Variants in PSMA2 observed in about 807,000 individuals in gnomAD.
PSMA2 encodes proteasome subunit alpha type-2.
In PSMA2, 2 loss-of-function variants were observed where a neutral mutation model predicts 35.9. The ratio of observed to expected loss-of-function variants is 0.06; its 90% CI spans 0.02 to 0.18. PSMA2 has a LOEUF of 0.18. Among genes scored for constraint, PSMA2 ranks in the 10% least tolerant of loss-of-function variants. The pLI is 1.00. For missense variants in PSMA2, 126 were observed against 278.8 expected, an observed-to-expected ratio of 0.45 and a Z score of 3.90; for synonymous variants, 97 against 98.2, an observed-to-expected ratio of 0.99 and a Z score of 0.07.
Position 42,927,421 on chromosome 7 carries a change from G to C in PSMA2, c.80C>G (p.Ala27Gly). The part of the protein sequence containing the change: ...GKLVQIEYAL[A>G]AVAGGAPSVG... The stretch of plus-strand genomic sequence containing the variant: ...GGACGGGGCTCCTCCAGCTACAGCA[G>C]CCAAAGCATATTCAATCTGGACAAG... Residue 27 changes from alanine (A) to glycine (G), a missense_variant, in exon 2 of 8, where the codon GCT becomes GGT. Ala to Gly is a moderately conservative substitution (Grantham distance 60, BLOSUM62 0). This residue lies in a region of PSMA2 where 78 missense variants were observed against 151.1 expected (regional missense o/e 0.52). Coordinates refer to ENST00000223321, the MANE Select transcript of PSMA2 (RefSeq NM_002787.5). The C allele has an allele frequency of 1.2e-6, 2 of 1,614,134 alleles. No individual in the cohort carries two copies. Among genetic ancestry groups the C allele is most frequent in the Non-Finnish European group, 1.7e-6 (2 of 1,180,022 alleles).
intron 6 of PSMA2, chr7:42,920,611 TCATAA>T (rs377522940): frequency 1.3e-5 from 2 of 152,212 alleles, no homozygotes; most frequent in African/African-American, 4.8e-5. Context: ...ATAAAACAAA[TCATAA>T]CATATCATGT....
intron 3 of PSMA2, 30 bp downstream of exon 3, chr7:42,926,506 G>A (rs749406416): frequency 1.1e-5 from 17 of 1,536,976 alleles, no homozygotes; most frequent in Non-Finnish European, 1.5e-5. Context: ...TCATGAGATG[G>A]TGAGAAACAC....
intron 5 of PSMA2, among the ~76,000 whole-genome samples, 187 bp from the exon 6 acceptor site, chr7:42,922,118 G>A (rs937899150): frequency 6.6e-6 from 1 of 152,078 alleles, no homozygotes; most frequent in Non-Finnish European, 1.5e-5. Flanking sequence ...AACCAAAAAG[G>A]CATGAAGAAA....
At chr7:42,918,014 G>C (rs1390036459) in intron 6 of PSMA2, 179 bp from the exon 7 acceptor site, 1 of 474,814 alleles carries the variant, frequency 2.1e-6, no homozygotes, top group African/African-American at 2.0e-5. Context: ...GACAATATCT[G>C]GTGCTCAATT....
chr7:42,928,940 T>C (rs1183070085), intron 1 of PSMA2, among the ~76,000 whole-genome samples: 1 of 152,206 alleles, frequency 6.6e-6, no homozygotes, highest in Non-Finnish European at 1.5e-5. Context: ...TGTGATGTCC[T>C]GCACTTCCTC....
Position 42,932,119 on chromosome 7 carries a change from T to A in PSMA2, c.40A>T (p.Ser14Cys). The stretch of plus-strand genomic sequence containing the variant: ...AGACCTCGAGGGCCCCTTCCATACC[T>A]GAATGTAGTCAGCGAAAAGCTGTAC... ...RGYSFSLTTF[S>C]PSGKLVQIEY... is the part of the protein sequence containing the mutation. The change falls in exon 1 of 8, where the codon AGC becomes TGC. Residue 14 changes from serine (S) to cysteine (C), a missense_variant and splice_region_variant. Transcript: ENST00000223321. 1 of 1,614,136 alleles carries A rather than the reference T, an allele frequency of 6.2e-7. No homozygotes were observed. The highest frequency in any genetic ancestry group is 8.5e-7 in the Non-Finnish European group (1 of 1,180,028).
chr7:42,928,701 C>G (rs1786249852), intron 1 of PSMA2, among the ~76,000 whole-genome samples: 1 of 152,200 alleles, frequency 6.6e-6, no homozygotes, highest in Admixed American at 6.5e-5. Flanking sequence ...GCCGTATTTT[C>G]TCTTCATATA....
chr7:42,921,717 T>C, intron 6 of PSMA2, 141 bp downstream of exon 6: 1 of 506,728 alleles, frequency 2.0e-6, no homozygotes, highest in Non-Finnish European at 3.4e-6. Context: ...GGGAGAGAAG[T>C]TTTTGGTTTA....
chr7:42,930,240 CACACACACAA>C (rs1475389020), intron 1 of PSMA2, among the ~76,000 whole-genome samples: 3 of 151,412 alleles, frequency 2.0e-5, no homozygotes, highest in African/African-American at 7.3e-5. Context: ...CACACACACA[CACACACACAA>C]GTTTGGTTTT....
At chr7:42,917,919 T>C in intron 6 of PSMA2, 84 bp from the exon 7 acceptor site, 1 of 951,062 alleles carries the variant, frequency 1.1e-6, no homozygotes. Context: ...CAACGTAAGT[T>C]TTTAAAACTC....
Position 42,932,172 on chromosome 7 carries a change from G to A in PSMA2, c.-14C>T, listed in dbSNP as rs201474457. The A allele has an allele frequency of 3.1e-6, 5 of 1,613,960 alleles. No homozygotes were observed. Among genetic ancestry groups the A allele is most frequent in the East Asian group, 4.5e-5 (2 of 44,890 alleles). On this transcript the variant is annotated 5_prime_UTR_variant, in exon 1 of 8. Coordinates refer to ENST00000223321, the MANE Select transcript of PSMA2 (RefSeq NM_002787.5). ...GCGCTCCGCCATCTTTACCCGAAGA[G>A]CCAAAGCACAGCCGCACACATGCGC...
At position 42,921,849 on chromosome 7, in the gene PSMA2, T is replaced by C. The variant is rs772378015; in HGVS notation, c.530+9A>G. On this transcript the variant is annotated intron_variant, in intron 6 of 7. Transcript: ENST00000223321. ...TGCTAAAGAATGCAGTTACAATGAG[T>C]AGGCCTACCTTTTCTCAAGGAAAGT... The C allele has an allele frequency of 2.5e-6, 4 of 1,608,932 alleles. No individual in the cohort carries two copies. The highest frequency in any genetic ancestry group is 2.5e-6 in the Non-Finnish European group (3 of 1,176,544).
intron 6 of PSMA2, chr7:42,918,353 A>G (rs1786066737): frequency 1.3e-5 from 2 of 152,252 alleles, no homozygotes; most frequent in African/African-American, 2.4e-5. Context: ...TTAAGTATAA[A>G]TATTTTAACA....
At chr7:42,927,272 A>C in intron 2 of PSMA2, 111 bp downstream of exon 2, 7 of 964,924 alleles carry the variant, frequency 7.3e-6, no homozygotes, top group Non-Finnish European at 1.1e-5. Context: ...TTAACAAAAA[A>C]TTGTTAAAAA....
At chr7:42,929,139 C>T (rs966788073) in intron 1 of PSMA2, among the ~76,000 whole-genome samples, 30 of 152,072 alleles carry the variant, frequency 2.0e-4, no homozygotes, top group Non-Finnish European at 4.3e-4. Flanking sequence ...CAGCACATAA[C>T]CTAATACCAG....
In PSMA2 at chr7:42,927,319, T is replaced by C. The variant is rs913246327; in HGVS notation, c.118+64A>G. Reference sequence around the variant, plus strand: ...CAGCTCTGTATAAATTAATTACTAATGAATTCCAAAATAATTAGGATAACT... The same window carrying C: ...CAGCTCTGTATAAATTAATTACTAACGAATTCCAAAATAATTAGGATAACT... On this transcript the variant is annotated intron_variant, in intron 2 of 7. Coordinates refer to ENST00000223321, the MANE Select transcript of PSMA2 (RefSeq NM_002787.5). 9.2e-6 allele frequency: 13 copies of C among 1,420,742 alleles called. No individual in the cohort carries two copies. In the African/African-American group the frequency reaches 1.3e-4, roughly 14 times the overall value. The allele number at this position is 1,420,742 out of a possible 1,614,324, so 88.0% of individuals were successfully genotyped here.
intron 6 of PSMA2, chr7:42,920,118 T>A: frequency 2.1e-6 from 1 of 482,848 alleles, no homozygotes; most frequent in East Asian, 3.8e-5. Flanking sequence ...ACAGACAGCA[T>A]ACAACTGGAC....
At chr7:42,919,211 T>G in intron 6 of PSMA2, 1 of 608,740 alleles carries the variant, frequency 1.6e-6, no homozygotes, top group Non-Finnish European at 3.2e-6. Flanking sequence ...ATTGGAACAA[T>G]TTTGGGTCAT....
intron 6 of PSMA2, chr7:42,920,289 GGTTGA>G: frequency 5.0e-6 from 1 of 201,596 alleles, no homozygotes; most frequent in East Asian, 1.4e-4. Flanking sequence ...GATGAAGGGA[GGTTGA>G]GTTATCCTCT....
Sources: allele counts gnomAD v4.1 joint callset (sites outside exome capture counted in the v4.1 genomes callset), GRCh38; gene constraint gnomAD v4.1.1; regional missense constraint gnomAD v4.1.1; transcripts MANE v1.5; gene names NCBI Gene and HGNC (gene_info 2026-07-23, HGNC 2026-07-21).